The following CACFD1 variants were observed in gnomAD, a reference collection of about 807,000 sequenced individuals.
The protein encoded by CACFD1 is calcium channel flower domain containing 1, also known as calcium channel flower homolog.
Under a neutral mutation model 21.3 loss-of-function variants are expected in CACFD1, and 26 were observed. The ratio of observed to expected loss-of-function variants is 1.22; its 90% CI spans 0.89 to 1.69. The LOEUF (loss-of-function observed/expected upper bound fraction) is 1.69, where lower values mean the gene tolerates loss of function less well. Ranked by LOEUF, CACFD1 falls within the 40% of genes most tolerant of loss-of-function variation. CACFD1 has a pLI of 0.00. For synonymous variants in CACFD1, 121 were observed against 106.6 expected (o/e 1.13, Z -0.83); for missense variants, 265 against 236.2 (o/e 1.12, Z -0.80).
intron 2 of CACFD1, among the ~76,000 whole-genome samples, chr9:133,464,494 G>A (rs587673906): frequency 4.6e-5 from 7 of 152,306 alleles, no homozygotes; most frequent in Admixed American, 1.3e-4. Context: ...GTGGTTAAGA[G>A]TTGTGAAGAG....
Position 133,460,057 on chromosome 9 carries a change from C to G in CACFD1, c.-10C>G, listed in dbSNP as rs377184464. ...TGTGAGGGCTGTGAGCTGCGCCTGA[C>G]GGTGGCACCATGAGCAGCTCAGGTG... On this transcript the variant is annotated 5_prime_UTR_variant, in exon 1 of 5. Coordinates refer to ENST00000316948, the MANE Select transcript of CACFD1 (RefSeq NM_017586.5). The G allele has an allele frequency of 6.4e-6, 10 of 1,554,464 alleles. No individual in the cohort carries two copies. The South Asian group carries it at 1.1e-4, about 16-fold the overall frequency.
intron 3 of CACFD1, among the ~76,000 whole-genome samples, chr9:133,467,055 G>A (rs587686828): frequency 6.6e-6 from 1 of 152,126 alleles, no homozygotes; most frequent in African/African-American, 2.4e-5. Flanking sequence ...TTATCATTTT[G>A]AAATTTTTTA....
intron 1 of CACFD1, among the ~76,000 whole-genome samples, chr9:133,460,508 T>C (rs1162430697): frequency 2.5e-5 from 2 of 80,674 alleles, no homozygotes; most frequent in Non-Finnish European, 7.0e-5. Context: ...CTGGGGCACG[T>C]GACTGAGCCC....
rs1554797828 is a variant in CACFD1, at chr9:133,460,021, A to C, written c.-46A>C. ...CGCGCCGGCTCGGACGCGGCCGGCT[A>C]CCGAGCCCTTTGTGAGGGCTGTGAG... On this transcript the variant is annotated 5_prime_UTR_variant, in exon 1 of 5. Transcript: ENST00000316948. The C allele has an allele frequency of 6.7e-7, 1 of 1,498,022 alleles. No individual in the cohort carries two copies. The highest frequency in any genetic ancestry group is 8.9e-7 in the Non-Finnish European group (1 of 1,124,070). 92.8% of individuals were successfully genotyped at this position (1,498,022 alleles called of 1,614,324 possible).
chr9:133,460,301 G>T lies in CACFD1; in HGVS notation c.121+114G>T, dbSNP rs587601948. Reference sequence around the variant, plus strand: ...GGAAAGGACCCGCTGGGGGTCGGGGGTCTGCCGGGCGCCTCCCGGGGCGGA... The same window carrying T: ...GGAAAGGACCCGCTGGGGGTCGGGGTTCTGCCGGGCGCCTCCCGGGGCGGA... On this transcript the variant is annotated intron_variant, in intron 1 of 4. Coordinates refer to ENST00000316948, the MANE Select transcript of CACFD1 (RefSeq NM_017586.5). 286 of 1,014,202 alleles carry T rather than the reference G, an allele frequency of 2.8e-4. 1 individual carries two copies. The African/African-American group carries it at 4.0e-3, about 14-fold the overall frequency. 62.8% of individuals were successfully genotyped at this position (1,014,202 alleles called of 1,614,324 possible).
intron 4 of CACFD1, 106 bp downstream of exon 4, chr9:133,468,134 C>T (rs587594153): frequency 4.0e-5 from 43 of 1,078,742 alleles, no homozygotes; most frequent in South Asian, 3.1e-4. Flanking sequence ...TAGTGGAGAC[C>T]GAGGCAGAGG....
In CACFD1 at chr9:133,468,582, G is replaced by T; in HGVS notation, c.448G>T (p.Ala150Ser). The change falls in exon 5 of 5, where the codon GCC (alanine) becomes TCC (serine). Residue 150 changes from alanine (A) to serine (S), a missense_variant. Coordinates refer to ENST00000316948, the MANE Select transcript of CACFD1 (RefSeq NM_017586.5). ...CCCCAGGGGCGATGCGATCTCCTATGCCAGGATCCAGCAGCAGAGGCAGCA... is the reference window on the plus strand; with the variant it reads ...CCCCAGGGGCGATGCGATCTCCTATTCCAGGATCCAGCAGCAGAGGCAGCA... ...LGKKGDAISY[A>S]RIQQQRQQAD... 1 of 1,587,552 alleles carries T rather than the reference G, an allele frequency of 6.3e-7. No individual in the cohort carries two copies.
intron 3 of CACFD1, 134 bp from the exon 4 acceptor site, chr9:133,467,787 G>C: frequency 1.6e-6 from 1 of 643,798 alleles, no homozygotes; most frequent in African/African-American, 1.8e-5. Context: ...CTGAAGCTGT[G>C]TCTCAGTTGA....
Position 133,465,553 on chromosome 9 carries a change from C to T in CACFD1, c.320+106C>T. On this transcript the variant is annotated intron_variant, in intron 3 of 4. Coordinates refer to ENST00000316948, the MANE Select transcript of CACFD1 (RefSeq NM_017586.5). The surrounding 1 kb of genome is among the most constrained non-coding windows in gnomAD (Gnocchi z 5.0). ...GGTGGGCAGTGTATTCAGTTCCTCT[C>T]TGTGGAAGTGTAAACTGGGATTGCC... 8.6e-7 allele frequency: 1 copy of T among 1,160,438 alleles called. No homozygotes were observed. The highest frequency in any genetic ancestry group is 1.2e-6 in the Non-Finnish European group (1 of 815,812). 71.9% of individuals were successfully genotyped at this position (1,160,438 alleles called of 1,614,324 possible).
chr9:133,461,210 A>G (rs1843201013), intron 1 of CACFD1, among the ~76,000 whole-genome samples: 1 of 152,214 alleles, frequency 6.6e-6, no homozygotes, highest in South Asian at 2.1e-4. Flanking sequence ...CAGAAGGACC[A>G]CCTTTTCAGG....
intron 1 of CACFD1, 115 bp from the exon 2 acceptor site, chr9:133,463,368 T>G (rs1017318653): frequency 1.7e-5 from 27 of 1,574,454 alleles, no homozygotes; most frequent in Non-Finnish European, 2.3e-5. Flanking sequence ...CTGTGAGAAC[T>G]GTGTGCTGAG....
intron 4 of CACFD1, 95 bp downstream of exon 4, chr9:133,468,123 C>A: frequency 8.8e-7 from 1 of 1,130,268 alleles, no homozygotes; most frequent in Non-Finnish European, 1.3e-6. Context: ...CCCCTTTTAG[C>A]TAGTGGAGAC....
intron 1 of CACFD1, among the ~76,000 whole-genome samples, chr9:133,462,468 A>AGG: frequency 6.6e-6 from 1 of 152,344 alleles, no homozygotes; most frequent in South Asian, 2.1e-4. Flanking sequence ...TGTCTGCATA[A>AGG]GGTTACCTGG....
At chr9:133,461,945 G>A in intron 1 of CACFD1, 1 of 985,402 alleles carries the variant, frequency 1.0e-6, no homozygotes, top group Non-Finnish European at 1.2e-6. Flanking sequence ...ACCTGGAGAG[G>A]GTCTACCCTG....
chr9:133,468,199 GACTTACAAC>G (rs1263415645), intron 4 of CACFD1, 171 bp downstream of exon 4: 1 of 1,143,474 alleles, frequency 8.7e-7, no homozygotes, highest in African/African-American at 1.5e-5. Flanking sequence ...GAAGACAGAG[GACTTACAAC>G]ACTTCTGCGT....
intron 3 of CACFD1, among the ~76,000 whole-genome samples, chr9:133,467,132 C>T (rs188311979): frequency 1.3e-5 from 2 of 152,358 alleles, no homozygotes; most frequent in East Asian, 1.9e-4. Flanking sequence ...CAATTGGCCA[C>T]GAGTCTTGTC....
At chr9:133,460,771 C>T (rs979385482) in intron 1 of CACFD1, among the ~76,000 whole-genome samples, 1 of 152,130 alleles carries the variant, frequency 6.6e-6, no homozygotes, top group African/African-American at 2.4e-5. Context: ...CCTGGGGCCG[C>T]GGGGCAGTGA....
intron 2 of CACFD1, 89 bp downstream of exon 2, chr9:133,463,644 G>A (rs587629930): frequency 5.8e-5 from 78 of 1,355,386 alleles, no homozygotes; most frequent in South Asian, 4.7e-4. Context: ...GGCAGGGGCC[G>A]TGGGAGTGGG....
At position 133,465,012 on chromosome 9, in the gene CACFD1, C is replaced by T. The variant is rs1439217518; in HGVS notation, c.195-310C>T. The T allele has an allele frequency of 1.9e-5, 6 of 314,668 alleles. No homozygotes were observed. Among genetic ancestry groups the T allele is most frequent in the Admixed American group, 1.9e-4 (4 of 21,520 alleles). 19.5% of individuals were successfully genotyped at this position (314,668 alleles called of 1,614,324 possible). On this transcript the variant is annotated intron_variant, in intron 2 of 4. Transcript: ENST00000316948. This position sits in a 1 kb window ranked among gnomAD's most constrained non-coding sequence, Gnocchi z 5.0. ...TTGTAGCAGTGCCATGATGTGGGGT[C>T]CCCTTTCCTCCATGTCACACAGGAG...
Sources: allele counts gnomAD v4.1 joint callset (sites outside exome capture counted in the v4.1 genomes callset), GRCh38; gene constraint gnomAD v4.1.1; non-coding constraint Gnocchi (gnomAD v3.1); transcripts MANE v1.5; gene names NCBI Gene and HGNC (gene_info 2026-07-23, HGNC 2026-07-21).